The following C2 variants were observed in gnomAD, a reference collection of about 807,000 sequenced individuals.
C2 encodes C3/C5 convertase.
A neutral mutation model predicts 85.2 loss-of-function variants in C2; 64 were observed. That is an observed-to-expected ratio of 0.75 (90% CI 0.61 to 0.92). The LOEUF (loss-of-function observed/expected upper bound fraction) is 0.92, where lower values mean the gene tolerates loss of function less well. Among genes scored for constraint, C2 ranks in the 40% least tolerant of loss-of-function variants. The probability of loss-of-function intolerance (pLI) is 0.00; values close to 1 mark genes in which losing one functional copy is unlikely to be tolerated. For synonymous variants in C2, 311 were observed against 370.8 expected (o/e 0.84, Z 1.85); for missense variants, 820 against 971.6 (o/e 0.84, Z 2.07).
chr6:31,906,082 T>A (rs1468931278), intron 1 of C2, among the ~76,000 whole-genome samples: 1 of 152,038 alleles, frequency 6.6e-6, no homozygotes. Flanking sequence ...TTTAAATCCA[T>A]AGGCTGATGA....
exon 1 of C2, chr6:31,901,023 A>G (rs1767205040): frequency 9.9e-6 from 16 of 1,614,094 alleles, no homozygotes; most frequent in Non-Finnish European, 1.4e-5. Flanking sequence ...CTAACAGCGA[A>G]TTCCAAGGCG....
upstream of C2, chr6:31,900,043 G>A: frequency 6.2e-7 from 1 of 1,612,674 alleles, no homozygotes; most frequent in Non-Finnish European, 8.5e-7. This position sits in a 1 kb window ranked among gnomAD's most constrained non-coding sequence, Gnocchi z 9.7. Context: ...CGAAGCGCAC[G>A]TCGCAGTAGG....
Position 31,930,674 on chromosome 6 carries a change from TCCA to T in C2, c.442+1759_442+1761del, listed in dbSNP as rs200188989. Among the ~76,000 whole-genome samples the T allele has an allele frequency of 1.2e-4, 18 of 152,118 alleles. No homozygotes were observed. The East Asian group carries it at 2.3e-3, about 20-fold the overall frequency. On this transcript the variant is annotated intron_variant, in intron 3 of 17. Coordinates refer to ENST00000299367, the MANE Select transcript of C2 (RefSeq NM_000063.6). ...AGCACATCATACAGAAGACACGGAG[TCCA>T]CAAGATGGCAGGACCACCTTCACCT...
At chr6:31,905,996 G>T (rs1271394249) in intron 1 of C2, among the ~76,000 whole-genome samples, 3 of 151,990 alleles carry the variant, frequency 2.0e-5, no homozygotes, top group African/African-American at 7.3e-5. Flanking sequence ...TTTTTACAAC[G>T]ATGCTTAGCA....
At position 31,935,190 on chromosome 6, in the gene C2, T is replaced by C; in HGVS notation, c.850-733T>C. ...TTTAAAGAGGGCAGTTTCTGTGCTCTCTTGGGACTCAAAATTAAGTAACTC... is the reference window on the plus strand; with the variant it reads ...TTTAAAGAGGGCAGTTTCTGTGCTCCCTTGGGACTCAAAATTAAGTAACTC... On this transcript the variant is annotated intron_variant, in intron 6 of 17. Transcript: ENST00000299367. This position sits in a 1 kb window ranked among gnomAD's most constrained non-coding sequence, Gnocchi z 4.3. 1 of 417,258 alleles carries C rather than the reference T, an allele frequency of 2.4e-6. No individual in the cohort carries two copies. The highest frequency in any genetic ancestry group is 3.2e-6 in the Non-Finnish European group (1 of 310,358). 25.8% of individuals were successfully genotyped at this position (417,258 alleles called of 1,614,324 possible).
chr6:31,942,560 G>A (rs897764760), intron 9 of C2, among the ~76,000 whole-genome samples: 1 of 152,012 alleles, frequency 6.6e-6, no homozygotes, highest in African/African-American at 2.4e-5. Flanking sequence ...CCAAAGTGGG[G>A]ATGAAAGTTT....
chr6:31,915,019 T>C (rs1768405722), upstream of C2, among the ~76,000 whole-genome samples: 1 of 152,176 alleles, frequency 6.6e-6, no homozygotes, highest in Non-Finnish European at 1.5e-5. Context: ...CCCCGTGGTC[T>C]ATGCCTCAAC....
At chr6:31,902,002 AG>A (rs1767354791) in intron 1 of C2, 1 of 129,328 alleles carries the variant, frequency 7.7e-6, no homozygotes, top group Non-Finnish European at 1.6e-5. Context: ...GTAAGGGGGG[AG>A]GGGCGGGGGC....
In C2 at chr6:31,934,247, C is replaced by G. The variant is rs116568722; in HGVS notation, c.797C>G (p.Ser266Trp). 371 of 1,614,056 alleles carry G rather than the reference C, an allele frequency of 2.3e-4. 2 individuals carry two copies. The highest frequency in any genetic ancestry group is 3.7e-4 in the Admixed American group (22 of 60,000). ...CTCCTGGACTGTTCGCAGAGTGTGT[C>G]GGAAAATGACTTTCTCATCTTCAAG... Reference protein sequence around the residue: ...YLLLDCSQSVSENDFLIFKES... With the variant: ...YLLLDCSQSVWENDFLIFKES... The change falls in exon 6 of 18, where the codon TCG (serine) becomes TGG (tryptophan). Residue 266 changes from serine to tryptophan, a missense_variant. Coordinates refer to ENST00000299367, the MANE Select transcript of C2 (RefSeq NM_000063.6).
At chr6:31,912,090 A>G (rs1768152216) in intron 1 of C2, among the ~76,000 whole-genome samples, 1 of 152,062 alleles carries the variant, frequency 6.6e-6, no homozygotes, top group African/African-American at 2.4e-5. Flanking sequence ...CATTTCTACA[A>G]GTTCCTGCTG....
Position 31,935,809 on chromosome 6 carries a change from T to G in C2, c.850-114T>G. ...CCTAGTGTCTCCCCTGGTCCTTGCC[T>G]CTGTCGGTCTCACTCCAGTTTCTCT... is the stretch of plus-strand genomic sequence containing the variant. On this transcript the variant is annotated intron_variant, in intron 6 of 17. Coordinates refer to ENST00000299367, the MANE Select transcript of C2 (RefSeq NM_000063.6). This position sits in a 1 kb window ranked among gnomAD's most constrained non-coding sequence, Gnocchi z 4.3. 8.5e-7 allele frequency: 1 copy of G among 1,177,082 alleles called. No homozygotes were observed. The highest frequency in any genetic ancestry group is 1.5e-5 in the African/African-American group (1 of 66,636). 72.9% of individuals were successfully genotyped at this position (1,177,082 alleles called of 1,614,324 possible).
intron 1 of C2, among the ~76,000 whole-genome samples, chr6:31,908,605 T>A (rs1002132069): frequency 1.3e-5 from 2 of 150,752 alleles, no homozygotes; most frequent in Non-Finnish European, 2.9e-5. Context: ...TGAGCCGAGA[T>A]TGCACCACTC....
Position 31,939,310 on chromosome 6 carries a change from T to C in C2, c.1209T>C (p.Asn403=). Reference sequence around the variant, plus strand: ...TCCTGAACATCAACCAGAAGAGGAATGACTATCTGGGTGAGCCCCTGCCAC... The same window carrying C: ...TCCTGAACATCAACCAGAAGAGGAACGACTATCTGGGTGAGCCCCTGCCAC... ...REILNINQKR[N]DYLDIYAIGV... Residue 403 remains asparagine, a synonymous_variant, in exon 9 of 18, where the codon AAT becomes AAC. Coordinates refer to ENST00000299367, the MANE Select transcript of C2 (RefSeq NM_000063.6). The C allele has an allele frequency of 6.2e-7, 1 of 1,611,822 alleles. No homozygotes were observed. Among genetic ancestry groups the C allele is most frequent in the Non-Finnish European group, 8.5e-7 (1 of 1,179,400 alleles).
At position 31,944,865 on chromosome 6, in the gene C2, A is replaced by C. The variant is rs761863663; in HGVS notation, c.2029+12A>C. 9 of 1,612,840 alleles carry C rather than the reference A, an allele frequency of 5.6e-6. No individual in the cohort carries two copies. The highest frequency in any genetic ancestry group is 7.6e-6 in the Non-Finnish European group (9 of 1,179,996). ...GAGTCCCTGCAAGGGTGAGTCCCTCACCATGCCTGGATTCCCAAGGGGAAG... is the reference window on the plus strand; with the variant it reads ...GAGTCCCTGCAAGGGTGAGTCCCTCCCCATGCCTGGATTCCCAAGGGGAAG... On this transcript the variant is annotated intron_variant, in intron 16 of 17. Transcript: ENST00000299367. The surrounding 1 kb of genome is among the most constrained non-coding windows in gnomAD (Gnocchi z 5.1).
At chr6:31,923,584 C>T (rs1432866374), upstream of C2, among the ~76,000 whole-genome samples, 10 of 146,730 alleles carry the variant, frequency 6.8e-5, no homozygotes, top group African/African-American at 1.0e-4. Context: ...CCCGGGTTCA[C>T]GCCATTCGCC....
At chr6:31,939,415 G>A in intron 9 of C2, 95 bp downstream of exon 9, 4 of 984,830 alleles carry the variant, frequency 4.1e-6, no homozygotes, top group Non-Finnish European at 6.5e-6. Flanking sequence ...ATGGTCCAGA[G>A]CCACATGGTT....
intron 1 of C2, among the ~76,000 whole-genome samples, chr6:31,910,613 A>G (rs1768028234): frequency 1.3e-5 from 2 of 152,068 alleles, no homozygotes; most frequent in African/African-American, 4.8e-5. Flanking sequence ...GAACTATGAA[A>G]ATAAGAATTC....
Position 31,904,294 on chromosome 6 carries a change from G to A in C2, c.73+3155G>A, listed in dbSNP as rs1174427082. Among the ~76,000 whole-genome samples the A allele has an allele frequency of 1.3e-5, 2 of 151,874 alleles. No individual in the cohort carries two copies. Among genetic ancestry groups the A allele is most frequent in the African/African-American group, 4.8e-5 (2 of 41,316 alleles). On this transcript the variant is annotated intron_variant, in intron 1 of 3. Transcript: ENST00000452202. The surrounding 1 kb of genome is among the most constrained non-coding windows in gnomAD (Gnocchi z 4.4). Reference sequence around the variant, plus strand: ...GAAACGGACTATGAAATTTTCAAAAGAATTTTATTTTATTTTAATTAATTA... The same window carrying A: ...GAAACGGACTATGAAATTTTCAAAAAAATTTTATTTTATTTTAATTAATTA...
chr6:31,916,704 C>T (rs1768535164), upstream of C2, among the ~76,000 whole-genome samples: 2 of 151,790 alleles, frequency 1.3e-5, no homozygotes, highest in Non-Finnish European at 2.9e-5. Flanking sequence ...TACTGCTTCC[C>T]ACTCTGCAAT....
Sources: allele counts gnomAD v4.1 joint callset (sites outside exome capture counted in the v4.1 genomes callset), GRCh38; gene constraint gnomAD v4.1.1; non-coding constraint Gnocchi (gnomAD v3.1); transcripts MANE v1.5; gene names NCBI Gene and HGNC (gene_info 2026-07-23, HGNC 2026-07-21).